Variants in MCC observed in about 807,000 individuals in gnomAD.
The protein encoded by MCC is colorectal mutant cancer protein.
A neutral mutation model predicts 116.2 loss-of-function variants in MCC; 90 were observed. The observed-to-expected ratio is 0.77, with a 90% CI of 0.65 to 0.92. The LOEUF is 0.92. Among genes scored for constraint, MCC ranks in the 40% least tolerant of loss-of-function variants. MCC has a pLI of 0.00. For missense variants in MCC, 1,516 were observed against 1,312.2 expected (o/e 1.16, Z -2.40); for synonymous variants, 578 against 510.5 (o/e 1.13, Z -1.78).
chr5:113,478,325 T>C (rs1212833842), intron 1 of MCC, among the ~76,000 whole-genome samples: 4 of 152,130 alleles, frequency 2.6e-5, no homozygotes, highest in Non-Finnish European at 5.9e-5. Flanking sequence ...ATAATAGACA[T>C]GGTGATAAAC....
intron 1 of MCC, among the ~76,000 whole-genome samples, chr5:113,439,702 T>C (rs55912732): frequency 0.12 from 17,517 of 152,150 alleles, 1,742 homozygotes; most frequent in African/African-American, 0.27. Flanking sequence ...TTCAATCTCT[T>C]TGAGCCTCAG....
intron 5 of MCC, among the ~76,000 whole-genome samples, chr5:113,142,802 G>C (rs1244625071): frequency 6.6e-6 from 1 of 152,176 alleles, no homozygotes. Flanking sequence ...CCAAGGGAGG[G>C]ACACAGTTTG....
chr5:113,395,404 T>C (rs1332975242), intron 1 of MCC, among the ~76,000 whole-genome samples: 1 of 152,224 alleles, frequency 6.6e-6, no homozygotes, highest in Non-Finnish European at 1.5e-5. Flanking sequence ...AGCTGAGTCA[T>C]GCAAGAAGCT....
intron 3 of MCC, among the ~76,000 whole-genome samples, chr5:113,175,719 C>G (rs1761298626): frequency 6.6e-6 from 1 of 151,966 alleles, no homozygotes; most frequent in Non-Finnish European, 1.5e-5. Context: ...AAATAGCAAC[C>G]ACATAATATT....
chr5:113,298,421 G>T (rs993712275), intron 3 of MCC, among the ~76,000 whole-genome samples: 4 of 152,202 alleles, frequency 2.6e-5, no homozygotes, highest in Admixed American at 6.5e-5. Flanking sequence ...TGAGGAGAAA[G>T]AAGGCAGATA....
chr5:113,194,848 G>T lies in MCC; in HGVS notation c.628-43426C>A, dbSNP rs1435728010. Among the ~76,000 whole-genome samples, 4 of 152,198 alleles carry T rather than the reference G, an allele frequency of 2.6e-5. No individual in the cohort carries two copies. The East Asian group carries it at 7.7e-4, about 29-fold the overall frequency. The stretch of plus-strand genomic sequence containing the variant: ...ACTCATTGTGAAAATGAATCTAGAT[G>T]TAGTGTACAAAGCAAACGCAATAAA... On this transcript the variant is annotated intron_variant, in intron 3 of 18. Coordinates refer to ENST00000408903, the MANE Select transcript of MCC (RefSeq NM_001085377.2).
At chr5:113,199,464 A>G (rs1762580714) in intron 3 of MCC, among the ~76,000 whole-genome samples, 1 of 152,188 alleles carries the variant, frequency 6.6e-6, no homozygotes, top group Non-Finnish European at 1.5e-5. Context: ...AGATGTGCTA[A>G]TCCCTGAAAC....
In MCC at chr5:113,039,480, C is replaced by T. The variant is rs114668464; in HGVS notation, c.2756+4050G>A. The stretch of plus-strand genomic sequence containing the variant: ...TGCCTTTCGCACTGACAGACTAAGA[C>T]ATGGCTGTTTACTGGAGGCATAGAG... On this transcript the variant is annotated intron_variant, in intron 17 of 18. Transcript: ENST00000408903. Among the ~76,000 whole-genome samples, 741 of 152,308 alleles carry T rather than the reference C, an allele frequency of 4.9e-3. 5 individuals carry two copies. Among genetic ancestry groups the T allele is most frequent in the African/African-American group, 0.017 (716 of 41,546 alleles).
At chr5:113,166,030 A>G (rs1760750548) in intron 3 of MCC, among the ~76,000 whole-genome samples, 1 of 152,166 alleles carries the variant, frequency 6.6e-6, no homozygotes, top group African/African-American at 2.4e-5. Context: ...CAGCCTAATC[A>G]TTACTTCAAA....
intron 3 of MCC, among the ~76,000 whole-genome samples, chr5:113,213,700 C>T (rs575814604): frequency 6.6e-6 from 1 of 152,218 alleles, no homozygotes; most frequent in African/African-American, 2.4e-5. Context: ...GCTCTACTTC[C>T]CTGTTTCTGA....
chr5:113,438,688 C>A (rs2150414641), intron 1 of MCC, among the ~76,000 whole-genome samples: 1 of 152,222 alleles, frequency 6.6e-6, no homozygotes, highest in African/African-American at 2.4e-5. Context: ...CAGACGGGAT[C>A]CTGTAAACTA....
intron 11 of MCC, among the ~76,000 whole-genome samples, chr5:113,073,146 A>G (rs1202201780): frequency 6.6e-6 from 1 of 151,752 alleles, no homozygotes; most frequent in Non-Finnish European, 1.5e-5. Context: ...GGCCCGAGAC[A>G]TTGCTCTTCT....
At chr5:113,128,069 C>G (rs1758183749) in intron 5 of MCC, among the ~76,000 whole-genome samples, 1 of 152,196 alleles carries the variant, frequency 6.6e-6, no homozygotes, top group Admixed American at 6.5e-5. Flanking sequence ...ATAATTTAAT[C>G]AGAAGAGGGA....
chr5:113,161,790 G>A (rs79848593), intron 3 of MCC, among the ~76,000 whole-genome samples: 1 of 152,184 alleles, frequency 6.6e-6, no homozygotes, highest in African/African-American at 2.4e-5. Flanking sequence ...TATCCAAGAT[G>A]TCAGCTATTT....
intron 3 of MCC, among the ~76,000 whole-genome samples, chr5:113,304,169 C>T (rs961021897): frequency 2.6e-5 from 4 of 152,112 alleles, no homozygotes; most frequent in African/African-American, 4.8e-5. Flanking sequence ...GAAGTCTGTC[C>T]CATCATGGCC....
intron 3 of MCC, among the ~76,000 whole-genome samples, chr5:113,200,452 T>C (rs558841230): frequency 2.8e-4 from 43 of 152,284 alleles, no homozygotes; most frequent in African/African-American, 6.3e-4. Flanking sequence ...GCTGATCCCC[T>C]TCCTGTTAGA....
intron 1 of MCC, among the ~76,000 whole-genome samples, chr5:113,400,716 G>A (rs1419699650): frequency 6.6e-6 from 1 of 152,150 alleles, no homozygotes; most frequent in Non-Finnish European, 1.5e-5. Context: ...TCAGTGCCTT[G>A]TAAAAGGAAA....
chr5:113,379,139 G>A (rs1185792950), intron 2 of MCC, among the ~76,000 whole-genome samples: 2 of 152,296 alleles, frequency 1.3e-5, no homozygotes, highest in East Asian at 1.9e-4. Context: ...TCTGGGAGTG[G>A]CCTCTGGGTG....
intron 3 of MCC, among the ~76,000 whole-genome samples, chr5:113,156,875 G>T (rs1413411374): frequency 6.6e-6 from 1 of 152,140 alleles, no homozygotes; most frequent in Non-Finnish European, 1.5e-5. Context: ...AACATAACTT[G>T]AGTAAAATAA....
Sources: allele counts gnomAD v4.1 joint callset (sites outside exome capture counted in the v4.1 genomes callset), GRCh38; gene constraint gnomAD v4.1.1; transcripts MANE v1.5; gene names NCBI Gene and HGNC (gene_info 2026-07-23, HGNC 2026-07-21).